The following DGLUCY variants were observed in gnomAD, a reference collection of about 807,000 sequenced individuals.
The protein encoded by DGLUCY is D-glutamate cyclase, mitochondrial.
DGLUCY carries 58 observed loss-of-function variants against 58.5 expected under a neutral mutation model. The ratio of observed to expected loss-of-function variants is 0.99; its 90% CI spans 0.80 to 1.23. DGLUCY has a LOEUF of 1.23. DGLUCY is among the 50% of genes most tolerant of loss of function. The pLI is 0.00. For synonymous variants in DGLUCY, 325 were observed against 314.1 expected (o/e 1.03, Z -0.37); for missense variants, 779 against 784.7 (o/e 0.99, Z 0.09).
intron 1 of DGLUCY, chr14:91,126,525 A>T (rs1054222781): frequency 4.4e-6 from 1 of 224,892 alleles, no homozygotes; most frequent in Non-Finnish European, 9.5e-6. Context: ...AGAGCTTGTG[A>T]CCTCCCTACA....
At chr14:91,145,095 G>T (rs532705473) in intron 1 of DGLUCY, 4 of 152,286 alleles carry the variant, frequency 2.6e-5, no homozygotes, top group East Asian at 1.9e-4. Context: ...TGTTCAGCGT[G>T]GGGGGTTAGA....
rs79637789 is a variant in DGLUCY, at chr14:91,075,088, A to C, written c.-82+14384A>C. 2.6e-5 allele frequency among the ~76,000 whole-genome samples: 4 copies of C among 151,162 alleles called. No homozygotes were observed. In the South Asian group the frequency reaches 8.4e-4, roughly 32 times the overall value. The stretch of plus-strand genomic sequence containing the variant: ...ACTCCGTCTCAAAAAAAAAAAAAAA[A>C]GAAGAATTGCTCTTCTTTTTATCGT... On this transcript the variant is annotated intron_variant, in intron 1 of 4. Coordinates refer to the DGLUCY transcript ENST00000521334.
At chr14:91,066,102 G>A (rs1773890063) in intron 1 of DGLUCY, among the ~76,000 whole-genome samples, 1 of 152,230 alleles carries the variant, frequency 6.6e-6, no homozygotes, top group African/African-American at 2.4e-5. Context: ...TATCCACTGG[G>A]CGTGGTGGCT....
At chr14:91,102,734 C>G (rs2044509096) in intron 1 of DGLUCY, among the ~76,000 whole-genome samples, 2 of 55,250 alleles carry the variant, frequency 3.6e-5, no homozygotes, top group Non-Finnish European at 8.8e-5. Flanking sequence ...GGGACCCCTT[C>G]CAGTGTGTAT....
chr14:91,073,656 G>A (rs1377409719), intron 1 of DGLUCY, among the ~76,000 whole-genome samples: 1 of 152,056 alleles, frequency 6.6e-6, no homozygotes, highest in Non-Finnish European at 1.5e-5. Context: ...TTATCTGGTT[G>A]CTGGCTTTGA....
At chr14:91,092,226 A>G (rs2044323110) in intron 1 of DGLUCY, among the ~76,000 whole-genome samples, 1 of 152,168 alleles carries the variant, frequency 6.6e-6, no homozygotes, top group East Asian at 1.9e-4. Context: ...GTACTGGCCT[A>G]CGGCTGCTCT....
chr14:91,062,479 C>T (rs1365245346), intron 1 of DGLUCY, among the ~76,000 whole-genome samples: 4 of 137,246 alleles, frequency 2.9e-5, no homozygotes, highest in South Asian at 2.4e-4. Context: ...ATCTGGCAGG[C>T]GGAGGTTGCA....
At chr14:91,108,526 T>TGTGTGTGTGAGAGAGAGAGAGAGAGA (rs1265665234) in intron 1 of DGLUCY, among the ~76,000 whole-genome samples, 5 of 52,120 alleles carry the variant, frequency 9.6e-5, no homozygotes, top group African/African-American at 1.9e-4. Context: ...TGTGTGTGTG[T>TGTGTGTGTGAGAGAGAGAGAGAGAGA]GAGAGAGAGA....
At chr14:91,184,598 G>T (rs2049379813) in intron 8 of DGLUCY, among the ~76,000 whole-genome samples, 2 of 114,236 alleles carry the variant, frequency 1.8e-5, no homozygotes, top group African/African-American at 3.4e-5. Context: ...AGGGAGGGAG[G>T]GAGGGAGTCT....
chr14:91,175,118 G>A lies in DGLUCY; in HGVS notation c.608-816G>A, dbSNP rs574492177. Among the ~76,000 whole-genome samples, 74 of 152,270 alleles carry A rather than the reference G, an allele frequency of 4.9e-4. 1 individual carries two copies. Among genetic ancestry groups the A allele is most frequent in the African/African-American group, 1.7e-3 (70 of 41,554 alleles). ...GCTCTTTGTCCGGAGATTTGAGCTC[G>A]AAGCAACGTCTAATCTGGGCTGCTA... is the stretch of plus-strand genomic sequence containing the variant. On this transcript the variant is annotated intron_variant, in intron 6 of 13. Transcript: ENST00000256324.
At chr14:91,095,879 A>G (rs2044387518) in intron 1 of DGLUCY, among the ~76,000 whole-genome samples, 1 of 151,826 alleles carries the variant, frequency 6.6e-6, no homozygotes, top group African/African-American at 2.4e-5. Context: ...CAAAGCTCAC[A>G]TCTTCAGTGT....
chr14:91,154,206 A>T (rs1446279911), intron 1 of DGLUCY, among the ~76,000 whole-genome samples: 2 of 152,148 alleles, frequency 1.3e-5, no homozygotes, highest in Non-Finnish European at 2.9e-5. Context: ...ATGCCTGGCC[A>T]CAGCTTGGTT....
chr14:91,081,662 C>G (rs996572899), intron 1 of DGLUCY, among the ~76,000 whole-genome samples: 1 of 152,156 alleles, frequency 6.6e-6, no homozygotes, highest in Non-Finnish European at 1.5e-5. Flanking sequence ...TGTCTGCACT[C>G]CTTGCCTTGT....
At chr14:91,131,722 T>C (rs2046034721) in intron 1 of DGLUCY, among the ~76,000 whole-genome samples, 1 of 152,218 alleles carries the variant, frequency 6.6e-6, no homozygotes, top group African/African-American at 2.4e-5. Context: ...ATCCTTCATA[T>C]TTCGTACTTC....
chr14:91,148,153 G>A (rs1335069544), intron 1 of DGLUCY, among the ~76,000 whole-genome samples: 2 of 152,122 alleles, frequency 1.3e-5, no homozygotes, highest in East Asian at 1.9e-4. Flanking sequence ...CAGCCTGGAT[G>A]GCAGAGTAAA....
intron 4 of DGLUCY, among the ~76,000 whole-genome samples, chr14:91,168,450 T>G (rs2048398621): frequency 6.6e-6 from 1 of 151,968 alleles, no homozygotes. Context: ...TCATGATCAT[T>G]TTAGGACGGG....
At chr14:91,131,182 T>A (rs1273869548) in intron 1 of DGLUCY, among the ~76,000 whole-genome samples, 1 of 152,198 alleles carries the variant, frequency 6.6e-6, no homozygotes, top group Non-Finnish European at 1.5e-5. Context: ...ACTCCTGGCC[T>A]CAAGTGATCT....
intron 13 of DGLUCY, 58 bp from the exon 14 acceptor site, chr14:91,224,626 A>G (rs1302321450): frequency 1.3e-6 from 2 of 1,494,114 alleles, no homozygotes; most frequent in Admixed American, 4.2e-5. Context: ...ATGTGTATAA[A>G]AGAAATTTCT....
chr14:91,150,848 C>T (rs933726154), intron 1 of DGLUCY, among the ~76,000 whole-genome samples: 1 of 152,184 alleles, frequency 6.6e-6, no homozygotes, highest in Non-Finnish European at 1.5e-5. Context: ...GTGTACAGTT[C>T]TGTGGCATTA....
Sources: allele counts gnomAD v4.1 joint callset (sites outside exome capture counted in the v4.1 genomes callset), GRCh38; gene constraint gnomAD v4.1.1; transcripts MANE v1.5; gene names NCBI Gene and HGNC (gene_info 2026-07-23, HGNC 2026-07-21).